The following TBCK variants were observed in gnomAD, a reference collection of about 807,000 sequenced individuals.
The protein encoded by TBCK is TBC domain-containing protein kinase-like protein.
Under a neutral mutation model 113.4 loss-of-function variants are expected in TBCK, and 99 were observed. The observed-to-expected ratio is 0.87, with a 90% CI of 0.74 to 1.03. The LOEUF (loss-of-function observed/expected upper bound fraction) is 1.03. Among genes scored for constraint, TBCK ranks in the 50% least tolerant of loss-of-function variants. TBCK has a pLI of 0.00. For synonymous variants in TBCK, 369 were observed against 370.8 expected (o/e 1.00, Z 0.05); for missense variants, 1,045 against 1,061.3 (o/e 0.98, Z 0.21).
chr4:106,147,040 C>T (rs1362703037), intron 23 of TBCK, among the ~76,000 whole-genome samples: 2 of 152,216 alleles, frequency 1.3e-5, no homozygotes, highest in Non-Finnish European at 2.9e-5. Flanking sequence ...CTCATCCATT[C>T]AAGTTTTACC....
At chr4:106,129,993 C>T (rs1213884152) in intron 23 of TBCK, among the ~76,000 whole-genome samples, 8 of 152,182 alleles carry the variant, frequency 5.3e-5, no homozygotes, top group African/African-American at 1.7e-4. Flanking sequence ...CTCTACTTGC[C>T]TCTCTTATCT....
intron 22 of TBCK, among the ~76,000 whole-genome samples, chr4:106,192,288 T>TTGTACAAAATGTACAAA (rs1335751611): frequency 3.0e-4 from 46 of 152,230 alleles, no homozygotes; most frequent in African/African-American, 9.6e-4. Context: ...TCAGCATTCC[T>TTGTACAAAATGTACAAA]AATATATATA....
At position 106,242,524 on chromosome 4, in the gene TBCK, T is replaced by C; in HGVS notation, c.1116A>G (p.Arg372=). 1 of 1,609,444 alleles carries C rather than the reference T, an allele frequency of 6.2e-7. No homozygotes were observed. Residue 372 remains arginine (R), a synonymous_variant, in exon 12 of 26, where the codon AGA becomes AGG. Transcript: ENST00000394708. ...CAGTGGTATCATCTAAAAGCGAGCTTCTATCTCGACCTTGTCCAAAGCTTT... is the reference window on the plus strand; with the variant it reads ...CAGTGGTATCATCTAAAAGCGAGCTCCTATCTCGACCTTGTCCAAAGCTTT... ...DGESFGQGRD[R]SSLLDDTTVT...
At chr4:106,236,550 A>T in intron 13 of TBCK, 31 bp from the exon 14 acceptor site, 1 of 1,442,016 alleles carries the variant, frequency 6.9e-7, no homozygotes. Context: ...AATAAAAAAA[A>T]AAAATGGACA....
At chr4:106,311,400 A>G (rs894443383) in intron 1 of TBCK, among the ~76,000 whole-genome samples, 10 of 152,212 alleles carry the variant, frequency 6.6e-5, no homozygotes, top group African/African-American at 2.2e-4. Flanking sequence ...AACTATAGCC[A>G]TATTTAATAG....
At chr4:106,175,243 A>C (rs968951832) in intron 22 of TBCK, among the ~76,000 whole-genome samples, 6 of 151,692 alleles carry the variant, frequency 4.0e-5, no homozygotes, top group African/African-American at 1.5e-4. Flanking sequence ...TATCTTTCTG[A>C]ATAAATTATT....
rs1755083323 is a variant in TBCK at position 106,203,280 on chromosome 4, T to C, written c.1861-8526A>G. Among the ~76,000 whole-genome samples, 4 of 36,364 alleles carry C rather than the reference T, an allele frequency of 1.1e-4. No homozygotes were observed. The South Asian group carries it at 2.4e-3, about 22-fold the overall frequency. 23.9% of individuals were successfully genotyped at this position (36,364 alleles called of 152,430 possible). A position where few individuals can be genotyped will look rare whatever the true frequency, so the allele number is the denominator to read the frequency against. On this transcript the variant is annotated intron_variant, in intron 20 of 25. Coordinates refer to ENST00000394708, the MANE Select transcript of TBCK (RefSeq NM_001163435.3). ...AAAGGACATATACACATATATATTTTCACATATATATATATATATATATAC... is the reference window on the plus strand; with the variant it reads ...AAAGGACATATACACATATATATTTCCACATATATATATATATATATATAC...
At chr4:106,155,138 G>A (rs1036458887) in intron 23 of TBCK, among the ~76,000 whole-genome samples, 3 of 147,648 alleles carry the variant, frequency 2.0e-5, no homozygotes, top group South Asian at 4.4e-4. Flanking sequence ...CACTATTCTA[G>A]GGTAAAATTT....
In TBCK at chr4:106,241,211, T is replaced by C. The variant is rs1760083733; in HGVS notation, c.1170+1259A>G. Among the ~76,000 whole-genome samples, 3 of 151,748 alleles carry C rather than the reference T, an allele frequency of 2.0e-5. No individual in the cohort carries two copies. In the South Asian group the frequency reaches 6.3e-4, roughly 32 times the overall value. Reference sequence around the variant, plus strand: ...TTACCTTAGAAATAAATCTGATAACTGATATACAGACATTAAAAATAAAAT... The same window carrying C: ...TTACCTTAGAAATAAATCTGATAACCGATATACAGACATTAAAAATAAAAT... On this transcript the variant is annotated intron_variant, in intron 12 of 25. Coordinates refer to ENST00000394708, the MANE Select transcript of TBCK (RefSeq NM_001163435.3).
chr4:106,214,062 T>G (rs1032444349), intron 19 of TBCK, among the ~76,000 whole-genome samples: 5 of 152,152 alleles, frequency 3.3e-5, no homozygotes, highest in Admixed American at 2.0e-4. Flanking sequence ...CCCTGACCCC[T>G]GACCCCCGAG....
intron 3 of TBCK, among the ~76,000 whole-genome samples, chr4:106,265,874 C>A (rs914341688): frequency 5.3e-5 from 8 of 151,648 alleles, no homozygotes; most frequent in Admixed American, 3.3e-4. Context: ...AGCTGATATT[C>A]CCCATAATGT....
At chr4:106,073,097 T>C (rs1320118518) in intron 25 of TBCK, among the ~76,000 whole-genome samples, 1 of 152,334 alleles carries the variant, frequency 6.6e-6, no homozygotes, top group South Asian at 2.1e-4. Context: ...AGGCTACTTC[T>C]GTCAACTTGT....
At chr4:106,224,299 C>T (rs921657157) in intron 19 of TBCK, among the ~76,000 whole-genome samples, 2 of 121,032 alleles carry the variant, frequency 1.7e-5, no homozygotes, top group African/African-American at 3.2e-5. Context: ...GTTCTATTAG[C>T]GTATAGTAAT....
Position 106,295,101 on chromosome 4 carries a change from G to T in TBCK, c.259C>A (p.Pro87Thr), listed in dbSNP as rs1277965968. 1 of 1,612,354 alleles carries T rather than the reference G, an allele frequency of 6.2e-7. No homozygotes were observed. Among genetic ancestry groups the T allele is most frequent in the African/African-American group, 1.3e-5 (1 of 74,968 alleles). ...TCTGATACTATACAGTACCTCACAG[G>T]TTTCCTTTCTCGAAGCAAGTCTTCC... Reference protein sequence around the residue: ...SLEDLLRERKPVSCSTVLCIA... With the variant: ...SLEDLLRERKTVSCSTVLCIA... Residue 87 changes from proline to threonine, a missense_variant, in exon 3 of 26, where the codon CCT becomes ACT. Physicochemically the swap from Pro to Thr is conservative, Grantham distance 38. Transcript: ENST00000394708.
At position 106,074,970 on chromosome 4, in the gene TBCK, C is replaced by T. The variant is rs541205413; in HGVS notation, c.2571+20512G>A. Among the ~76,000 whole-genome samples the T allele has an allele frequency of 1.6e-3, 245 of 152,278 alleles. 2 individuals are homozygous for T. The highest frequency in any genetic ancestry group is 5.6e-3 in the African/African-American group (232 of 41,542). On this transcript the variant is annotated intron_variant, in intron 25 of 25. Transcript: ENST00000394708. ...CTTGCCAGAGCTCCCGACTGGTTAA[C>T]AACTGGAAGCCAGGAGACATGGAAG...
At chr4:106,277,140 A>G (rs750989334) in intron 3 of TBCK, among the ~76,000 whole-genome samples, 3 of 152,182 alleles carry the variant, frequency 2.0e-5, no homozygotes, top group African/African-American at 4.8e-5. Flanking sequence ...TCTATAACGA[A>G]ATACTACTTT....
At chr4:106,184,172 A>C (rs577892411) in intron 22 of TBCK, among the ~76,000 whole-genome samples, 2 of 152,012 alleles carry the variant, frequency 1.3e-5, no homozygotes, top group African/African-American at 4.8e-5. Context: ...CAGCTTCTAA[A>C]TCTAGCTGCC....
At chr4:106,123,195 A>G (rs1292470125) in intron 23 of TBCK, among the ~76,000 whole-genome samples, 3 of 152,204 alleles carry the variant, frequency 2.0e-5, no homozygotes, top group Non-Finnish European at 4.4e-5. Flanking sequence ...ATACAAAATC[A>G]ATGTAGAAAA....
At chr4:106,103,048 C>G (rs34923623) in intron 24 of TBCK, among the ~76,000 whole-genome samples, 8,154 of 152,074 alleles carry the variant, frequency 0.054, 482 homozygotes, top group East Asian at 0.28. Flanking sequence ...TTTCAATGGG[C>G]TTTAAAAAAC....
Sources: allele counts gnomAD v4.1 joint callset (sites outside exome capture counted in the v4.1 genomes callset), GRCh38; gene constraint gnomAD v4.1.1; transcripts MANE v1.5; gene names NCBI Gene and HGNC (gene_info 2026-07-23, HGNC 2026-07-21).